The following EYA2 variants were observed in gnomAD, a reference collection of about 807,000 sequenced individuals.
The protein encoded by EYA2 is protein phosphatase EYA2.
A neutral mutation model predicts 69.2 loss-of-function variants in EYA2; 31 were observed. The observed-to-expected ratio is 0.45, with a 90% CI of 0.34 to 0.60. The LOEUF is 0.60. EYA2 is among the 20% of genes least tolerant of loss of function. The pLI, the probability that EYA2 is intolerant of heterozygous loss-of-function variation, is 0.02. For missense variants in EYA2, 622 were observed against 701.2 expected, an observed-to-expected ratio of 0.89 and a Z score of 1.28; for synonymous variants, 257 against 279.4, an observed-to-expected ratio of 0.92 and a Z score of 0.80.
chr20:46,903,863 A>G (rs1200959014), intron 1 of EYA2, among the ~76,000 whole-genome samples: 2 of 152,240 alleles, frequency 1.3e-5, no homozygotes, highest in Admixed American at 1.3e-4. Context: ...ATAACTTTTC[A>G]TAGTGCCATT....
chr20:47,064,534 G>T (rs2031034527), intron 5 of EYA2, among the ~76,000 whole-genome samples: 1 of 152,126 alleles, frequency 6.6e-6, no homozygotes, highest in Admixed American at 6.5e-5. Flanking sequence ...TGGTAGTTTT[G>T]TATGTACCTT....
intron 5 of EYA2, among the ~76,000 whole-genome samples, chr20:47,052,083 C>T (rs1216767253): frequency 6.6e-6 from 1 of 152,176 alleles, no homozygotes; most frequent in African/African-American, 2.4e-5. Context: ...TTCTTGAGAG[C>T]CTACCACGTG....
At chr20:47,052,693 G>A (rs1161410428) in intron 5 of EYA2, among the ~76,000 whole-genome samples, 1 of 152,094 alleles carries the variant, frequency 6.6e-6, no homozygotes, top group East Asian at 1.9e-4. Context: ...TGTGATCACA[G>A]CTCACTGCAG....
intron 4 of EYA2, among the ~76,000 whole-genome samples, chr20:47,012,746 A>G (rs2146364270): frequency 6.6e-6 from 1 of 152,296 alleles, no homozygotes; most frequent in Non-Finnish European, 1.5e-5. Context: ...CACCCACCTC[A>G]GCCTCCCAAA....
chr20:46,978,647 C>T, intron 1 of EYA2: 1 of 534,750 alleles, frequency 1.9e-6, no homozygotes, highest in Non-Finnish European at 3.8e-6. Context: ...GTGAGGCGGG[C>T]AGGTTCAGAT....
At chr20:46,899,539 G>A (rs1385598970) in intron 1 of EYA2, among the ~76,000 whole-genome samples, 1 of 152,220 alleles carries the variant, frequency 6.6e-6, no homozygotes, top group African/African-American at 2.4e-5. Context: ...CAGTGGAGAG[G>A]CCCTAAAACA....
At chr20:47,183,251 C>T in intron 14 of EYA2, 40 bp from the exon 15 acceptor site, 1 of 1,602,760 alleles carries the variant, frequency 6.2e-7, no homozygotes, top group Non-Finnish European at 8.5e-7. Flanking sequence ...ATCCGGGGTC[C>T]TCACAGAGCG....
At chr20:47,136,111 T>C (rs781317421) in intron 9 of EYA2, among the ~76,000 whole-genome samples, 6 of 152,182 alleles carry the variant, frequency 3.9e-5, no homozygotes, top group Non-Finnish European at 5.9e-5. Context: ...AATTTTTTGG[T>C]AAAAATCTAT....
At chr20:47,088,479 C>A (rs1390658722) in intron 7 of EYA2, among the ~76,000 whole-genome samples, 1 of 152,158 alleles carries the variant, frequency 6.6e-6, no homozygotes, top group African/African-American at 2.4e-5. Context: ...ATCATTACAG[C>A]ATCCAGTGGC....
chr20:47,032,235 C>A (rs1283470027), intron 5 of EYA2, among the ~76,000 whole-genome samples: 1 of 152,174 alleles, frequency 6.6e-6, no homozygotes, highest in Non-Finnish European at 1.5e-5. Flanking sequence ...CCAGATTCCA[C>A]CCACCTTTGA....
intron 15 of EYA2, among the ~76,000 whole-genome samples, chr20:47,186,348 CTTTTT>C (rs765874138): frequency 1.4e-5 from 1 of 72,314 alleles, no homozygotes; most frequent in Admixed American, 1.5e-4. Context: ...AGCACTTATT[CTTTTT>C]TTTTTTTTTT....
Position 47,172,709 on chromosome 20 carries a change from C to G in EYA2, c.1040C>G (p.Thr347Arg), listed in dbSNP as rs1206909868. Reference sequence around the variant, plus strand: ...TCCCTCCCCTCCTCTCTCCGCAGCACATACAACTTCTCCGCTGACGGCTTC... The same window carrying G: ...TCCCTCCCCTCCTCTCTCCGCAGCAGATACAACTTCTCCGCTGACGGCTTC... Reference protein sequence around the residue: ...SSDDNGQDLSTYNFSADGFHS... With the variant: ...SSDDNGQDLSRYNFSADGFHS... The change falls in exon 12 of 16, where the codon ACA (threonine) becomes AGA (arginine). Residue 347 changes from threonine (T) to arginine (R), a missense_variant and splice_region_variant. Thr to Arg is a moderately conservative substitution (Grantham distance 71). This residue lies in a region of EYA2 where 257 missense variants were observed against 351.5 expected (regional missense o/e 0.73). Transcript: ENST00000327619. The G allele has an allele frequency of 6.2e-7, 1 of 1,611,170 alleles. No individual in the cohort carries two copies. The highest frequency in any genetic ancestry group is 8.5e-7 in the Non-Finnish European group (1 of 1,178,746).
intron 1 of EYA2, among the ~76,000 whole-genome samples, chr20:46,896,024 A>G (rs1437848581): frequency 1.3e-5 from 2 of 152,178 alleles, no homozygotes; most frequent in Non-Finnish European, 2.9e-5. Flanking sequence ...CCGAAATGCT[A>G]TGTAATCTTC....
intron 10 of EYA2, among the ~76,000 whole-genome samples, chr20:47,146,044 G>T (rs567070714): frequency 2.0e-5 from 3 of 152,280 alleles, no homozygotes; most frequent in African/African-American, 7.2e-5. Flanking sequence ...GTGAAGCCAA[G>T]AGGACTTGCT....
At chr20:46,960,375 A>T (rs1220548720) in intron 1 of EYA2, among the ~76,000 whole-genome samples, 1 of 152,202 alleles carries the variant, frequency 6.6e-6, no homozygotes, top group African/African-American at 2.4e-5. Context: ...GTAATAATAA[A>T]AACAGCTAAG....
intron 1 of EYA2, among the ~76,000 whole-genome samples, chr20:46,907,338 A>C (rs1239540594): frequency 1.3e-5 from 2 of 152,218 alleles, no homozygotes; most frequent in Non-Finnish European, 2.9e-5. Flanking sequence ...ATGTCTCCAC[A>C]TGAGAAGTTA....
rs2030667008 is a variant in EYA2 at position 47,057,151 on chromosome 20, AAGG to A, written c.416-15032_416-15030del. On this transcript the variant is annotated intron_variant, in intron 5 of 15. Transcript: ENST00000327619. ...GACAGGAAGGAGGGAGGAAGGAAGG[AAGG>A]AAGGAAGGAAGGAAGGAAGGAAGGA... Among the ~76,000 whole-genome samples, 7 of 125,866 alleles carry A rather than the reference AAGG, an allele frequency of 5.6e-5. No individual in the cohort carries two copies. In the South Asian group the frequency reaches 1.9e-3, roughly 34 times the overall value. The allele number at this position is 125,866 out of a possible 152,430, so 82.6% of individuals were successfully genotyped here. A position where few individuals can be genotyped will look rare whatever the true frequency, so the allele number is the denominator to read the frequency against.
chr20:47,052,936 A>G (rs185262744), intron 5 of EYA2, among the ~76,000 whole-genome samples: 3 of 152,262 alleles, frequency 2.0e-5, no homozygotes, highest in Admixed American at 2.0e-4. Context: ...CTGAGACATG[A>G]AATATTTCCA....
chr20:47,123,998 G>A (rs1047924354), intron 9 of EYA2, among the ~76,000 whole-genome samples: 58 of 151,550 alleles, frequency 3.8e-4, no homozygotes, highest in African/African-American at 1.2e-3. Context: ...AAAAAAAGGT[G>A]GGGGAGTGGG....
Sources: allele counts gnomAD v4.1 joint callset (sites outside exome capture counted in the v4.1 genomes callset), GRCh38; gene constraint gnomAD v4.1.1; regional missense constraint gnomAD v4.1.1; transcripts MANE v1.5; gene names NCBI Gene and HGNC (gene_info 2026-07-23, HGNC 2026-07-21).